The following WAPL variants were observed in gnomAD, a reference collection of about 807,000 sequenced individuals.
WAPL encodes WAPL cohesin release factor.
Under a neutral mutation model 121.0 loss-of-function variants are expected in WAPL, and 5 were observed. That is an observed-to-expected ratio of 0.04 (90% confidence interval 0.02 to 0.09). WAPL has a LOEUF of 0.09. WAPL is among the 10% of genes least tolerant of loss of function. WAPL has a pLI of 1.00. For synonymous variants in WAPL, 480 were observed against 481.5 expected (o/e 1.00, Z 0.04); for missense variants, 999 against 1,410.8 (o/e 0.71, Z 4.68).
chr10:86,454,541 C>T (rs1841085055), intron 12 of WAPL, among the ~76,000 whole-genome samples: 2 of 152,244 alleles, frequency 1.3e-5, no homozygotes, highest in African/African-American at 4.8e-5. Flanking sequence ...CCACACCTGA[C>T]TGGTTTTTGC....
At chr10:86,477,870 AG>A (rs1490421426) in intron 4 of WAPL, among the ~76,000 whole-genome samples, 2 of 151,934 alleles carry the variant, frequency 1.3e-5, no homozygotes, top group African/African-American at 4.8e-5. Context: ...ACTTGAGGTC[AG>A]GAGTTTGAAA....
chr10:86,508,825 G>A (rs1437836850), intron 2 of WAPL, among the ~76,000 whole-genome samples: 2 of 146,394 alleles, frequency 1.4e-5, no homozygotes, highest in African/African-American at 5.2e-5. Flanking sequence ...CGCGATCTCG[G>A]CTCACTGCAA....
intron 7 of WAPL, among the ~76,000 whole-genome samples, chr10:86,471,975 T>G (rs1204700000): frequency 2.0e-5 from 3 of 151,978 alleles, no homozygotes; most frequent in African/African-American, 7.3e-5. Flanking sequence ...TTTTAAGCTC[T>G]TGAAAACTGA....
chr10:86,453,017 C>CAAAAAAAAAAAAAAAAA (rs34469657), intron 14 of WAPL, among the ~76,000 whole-genome samples: 1 of 58,234 alleles, frequency 1.7e-5, no homozygotes, highest in Non-Finnish European at 3.4e-5. Context: ...CTCCATCTCC[C>CAAAAAAAAAAAAAAAAA]AAAAAAAAAA....
chr10:86,446,580 A>C, intron 15 of WAPL, 131 bp from the exon 16 acceptor site: 1 of 1,050,462 alleles, frequency 9.5e-7, no homozygotes, highest in Non-Finnish European at 1.3e-6. Context: ...AAAAGAGGTG[A>C]GTATAAGTAA....
In WAPL at chr10:86,500,111, C is replaced by T. The variant is rs773575783; in HGVS notation, c.1132G>A (p.Glu378Lys). 6.2e-7 allele frequency: 1 copy of T among 1,614,128 alleles called. No individual in the cohort carries two copies. Among genetic ancestry groups the T allele is most frequent in the Non-Finnish European group, 8.5e-7 (1 of 1,180,022 alleles). The stretch of plus-strand genomic sequence containing the variant: ...GCAGTGAACTCATCCATGCTGCGTT[C>T]CATAGTATCCTGTATGGTAACATTA... ...VCNVTIQDTMERSMDEFTAST... is the reference protein window; with the variant it reads ...VCNVTIQDTMKRSMDEFTAST... The change falls in exon 3 of 19, where the codon GAA becomes AAA. Residue 378 changes from glutamate (E) to lysine (K), a missense_variant. Physicochemically the swap from Glu to Lys is moderately conservative, Grantham distance 56 (BLOSUM62 1). This residue lies in a region of WAPL where 531 missense variants were observed against 563.1 expected (regional missense o/e 0.94). Transcript: ENST00000298767.
chr10:86,464,933 C>G (rs761640895), intron 9 of WAPL, among the ~76,000 whole-genome samples: 2 of 152,204 alleles, frequency 1.3e-5, no homozygotes, highest in African/African-American at 2.4e-5. Context: ...GGGCACAACA[C>G]CTCTCTCCAC....
At chr10:86,467,197 CCA>C in intron 9 of WAPL, 80 bp downstream of exon 9, 1 of 1,262,206 alleles carries the variant, frequency 7.9e-7, no homozygotes, top group Non-Finnish European at 1.1e-6. Flanking sequence ...AATAATTTGC[CCA>C]CAGTCACACA....
intron 17 of WAPL, among the ~76,000 whole-genome samples, chr10:86,440,973 A>C (rs1849456319): frequency 6.6e-6 from 1 of 151,840 alleles, no homozygotes; most frequent in South Asian, 2.1e-4. Flanking sequence ...CAGAGCCAGC[A>C]TGAGTTCCTG....
intron 1 of WAPL, among the ~76,000 whole-genome samples, chr10:86,520,104 T>C (rs556970308): frequency 8.4e-4 from 128 of 152,368 alleles, no homozygotes; most frequent in Non-Finnish European, 2.1e-4. Context: ...GAGACCAGCC[T>C]GACCAACATG....
chr10:86,456,914 T>C (rs571949746), intron 12 of WAPL, among the ~76,000 whole-genome samples: 216 of 152,280 alleles, frequency 1.4e-3, no homozygotes, highest in Non-Finnish European at 2.1e-3. Flanking sequence ...AAGTGCTCTT[T>C]TACAAACACT....
intron 2 of WAPL, among the ~76,000 whole-genome samples, chr10:86,507,163 T>C (rs1234473119): frequency 6.8e-6 from 1 of 147,714 alleles, no homozygotes; most frequent in African/African-American, 2.5e-5. Flanking sequence ...AGTTCAGGAG[T>C]CCAAGACCAC....
At chr10:86,474,650 G>C (rs879510525) in intron 4 of WAPL, among the ~76,000 whole-genome samples, 28 of 152,128 alleles carry the variant, frequency 1.8e-4, no homozygotes, top group Non-Finnish European at 3.7e-4. Flanking sequence ...GATCACTTGA[G>C]TCCAGGAGTT....
intron 17 of WAPL, among the ~76,000 whole-genome samples, chr10:86,439,162 C>T (rs888436948): frequency 2.1e-4 from 32 of 152,146 alleles, no homozygotes; most frequent in African/African-American, 7.5e-4. Flanking sequence ...CAGAAATTTG[C>T]CACTACCCAC....
Position 86,467,495 on chromosome 10 carries a change from G to A in WAPL, c.2154C>T (p.Leu718=). The change falls in exon 9 of 19, where the codon CTC becomes CTT. Residue 718 remains leucine, a synonymous_variant. Transcript: ENST00000298767. ...DDSQHHQNLS[L]CTAALMYILS... ...GTATATACATGAGGGCAGCTGTACA[G>A]AGGGACAGATTCTTCAACAGGCCAA... 1 of 1,609,756 alleles carries A rather than the reference G, an allele frequency of 6.2e-7. No homozygotes were observed. The highest frequency in any genetic ancestry group is 8.5e-7 in the Non-Finnish European group (1 of 1,178,740).
chr10:86,456,438 C>A (rs1841148419), intron 12 of WAPL, among the ~76,000 whole-genome samples: 1 of 150,796 alleles, frequency 6.6e-6, no homozygotes, highest in African/African-American at 2.4e-5. Context: ...AAGATACTAC[C>A]CAAAATAACA....
intron 9 of WAPL, among the ~76,000 whole-genome samples, chr10:86,464,820 G>A (rs573735353): frequency 4.7e-4 from 72 of 152,248 alleles, no homozygotes; most frequent in Admixed American, 1.0e-3. Context: ...TGGGTGACAG[G>A]GGCAAGACTT....
At chr10:86,488,803 C>T (rs1231452602) in intron 4 of WAPL, among the ~76,000 whole-genome samples, 1 of 152,152 alleles carries the variant, frequency 6.6e-6, no homozygotes, top group East Asian at 1.9e-4. Context: ...CACTACAAGG[C>T]CAAATACTAA....
intron 2 of WAPL, among the ~76,000 whole-genome samples, chr10:86,507,463 T>C (rs1331809953): frequency 2.0e-5 from 3 of 151,994 alleles, no homozygotes; most frequent in Non-Finnish European, 4.4e-5. Flanking sequence ...AACAACCTCT[T>C]ATTCAACCTC....
Sources: allele counts gnomAD v4.1 joint callset (sites outside exome capture counted in the v4.1 genomes callset), GRCh38; gene constraint gnomAD v4.1.1; regional missense constraint gnomAD v4.1.1; transcripts MANE v1.5; gene names NCBI Gene and HGNC (gene_info 2026-07-23, HGNC 2026-07-21).